THBS4: variants seen among roughly 807,000 people sequenced by gnomAD.
THBS4 encodes thrombospondin 4, also known as thrombospondin-4.
A neutral mutation model predicts 115.7 loss-of-function variants in THBS4; 90 were observed. The ratio of observed to expected loss-of-function variants is 0.78; its 90% CI spans 0.66 to 0.93. The LOEUF is 0.93. Ranked by LOEUF, THBS4 falls within the 40% of genes least tolerant of loss-of-function variation. THBS4 has a pLI of 0.00. For missense variants in THBS4, 1,087 were observed against 1,232.7 expected (o/e 0.88, Z 1.77); for synonymous variants, 460 against 479.3 (o/e 0.96, Z 0.53).
At chr5:80,069,727 C>T in intron 10 of THBS4, among the ~76,000 whole-genome samples, 1 of 152,296 alleles carries the variant, frequency 6.6e-6, no homozygotes, top group East Asian at 1.9e-4. Context: ...TTCCAAAGGC[C>T]CTGCTGGGGC....
At chr5:79,991,922 C>T (rs554488283) in intron 1 of THBS4, among the ~76,000 whole-genome samples, 17 of 152,336 alleles carry the variant, frequency 1.1e-4, no homozygotes, top group Admixed American at 9.8e-4. Context: ...CTCTCCCTAG[C>T]TACAGACCTT....
At chr5:80,007,486 T>C (rs907330480) in intron 2 of THBS4, among the ~76,000 whole-genome samples, 1 of 152,216 alleles carries the variant, frequency 6.6e-6, no homozygotes, top group Non-Finnish European at 1.5e-5. Flanking sequence ...GCTAGGTGGC[T>C]GGTGTTCGTG....
At chr5:80,056,690 T>C (rs1225143496) in intron 3 of THBS4, among the ~76,000 whole-genome samples, 1 of 151,902 alleles carries the variant, frequency 6.6e-6, no homozygotes, top group Non-Finnish European at 1.5e-5. Context: ...ACTAGTATTC[T>C]TTGTCCTTTC....
chr5:80,064,954 T>A (rs1327886965), intron 8 of THBS4, among the ~76,000 whole-genome samples: 1 of 150,716 alleles, frequency 6.6e-6, no homozygotes, highest in Admixed American at 6.6e-5. Context: ...AAACAAGAGG[T>A]TAGGAGTCAA....
intron 2 of THBS4, among the ~76,000 whole-genome samples, chr5:80,046,396 A>G (rs1833066386): frequency 6.6e-6 from 1 of 152,266 alleles, no homozygotes; most frequent in African/African-American, 2.4e-5. Context: ...CATGGAGAAC[A>G]GAAAGGTCCT....
chr5:80,058,869 T>C lies in THBS4; in HGVS notation c.732+79T>C, dbSNP rs574505106. The C allele has an allele frequency of 1.6e-4, 226 of 1,402,712 alleles. 1 individual carries two copies. In the Admixed American group the frequency reaches 4.5e-3, roughly 28 times the overall value. The allele number at this position is 1,402,712 out of a possible 1,614,324, so 86.9% of individuals were successfully genotyped here. ...CCACAAGCTAGTGGAGCTGCAGGCC[T>C]GCCCAGGCACGGGGGCAGCCTCTGA... On this transcript the variant is annotated intron_variant, in intron 5 of 21. Coordinates refer to ENST00000350881, the MANE Select transcript of THBS4 (RefSeq NM_003248.6).
At chr5:80,021,570 A>G (rs553247203) in intron 2 of THBS4, among the ~76,000 whole-genome samples, 19 of 151,992 alleles carry the variant, frequency 1.3e-4, no homozygotes, top group Non-Finnish European at 2.6e-4. Flanking sequence ...GTCGTGGTAC[A>G]GTCGTAGCTC....
At chr5:80,003,360 G>T (rs1177240181) in intron 2 of THBS4, among the ~76,000 whole-genome samples, 1 of 152,144 alleles carries the variant, frequency 6.6e-6, no homozygotes, top group Non-Finnish European at 1.5e-5. Flanking sequence ...GAGAAGAAGA[G>T]GAGAAGTAAG....
chr5:80,077,131 C>A, intron 16 of THBS4, 83 bp downstream of exon 16: 1 of 1,315,278 alleles, frequency 7.6e-7, no homozygotes. Context: ...TCTCCAGGCA[C>A]CAACTCAGAA....
intron 1 of THBS4, among the ~76,000 whole-genome samples, chr5:79,997,331 G>T (rs916751044): frequency 6.6e-5 from 10 of 151,820 alleles, no homozygotes; most frequent in African/African-American, 2.2e-4. Context: ...AACCTAAAAG[G>T]ATGGAAAAGT....
intron 2 of THBS4, among the ~76,000 whole-genome samples, chr5:80,003,799 C>T (rs896556221): frequency 1.3e-5 from 2 of 152,226 alleles, no homozygotes; most frequent in African/African-American, 4.8e-5. Context: ...TGCAAGTTGT[C>T]TGCATAGTTA....
Position 80,059,341 on chromosome 5 carries a change from A to G in THBS4, c.733-99A>G, listed in dbSNP as rs190667324. On this transcript the variant is annotated intron_variant, in intron 5 of 21. Coordinates refer to ENST00000350881, the MANE Select transcript of THBS4 (RefSeq NM_003248.6). ...TGAGACTGTCTCAAAAAAAAAAAAA[A>G]AAAAAGTGTTACATAGATAGCTCCA... 1,791 of 1,182,632 alleles carry G rather than the reference A, an allele frequency of 1.5e-3. 15 individuals carry two copies. The African/African-American group carries it at 0.025, about 17-fold the overall frequency. 73.3% of individuals were successfully genotyped at this position (1,182,632 alleles called of 1,614,324 possible). A position where few individuals can be genotyped will look rare whatever the true frequency, so the allele number is the denominator to read the frequency against.
chr5:80,065,536 T>C, intron 9 of THBS4, 59 bp downstream of exon 9: 1 of 1,508,490 alleles, frequency 6.6e-7, no homozygotes, highest in South Asian at 1.1e-5. Context: ...AACAAGTGTA[T>C]GTTTATAGAT....
At chr5:80,048,959 A>G (rs1422250730) in intron 2 of THBS4, among the ~76,000 whole-genome samples, 1 of 152,218 alleles carries the variant, frequency 6.6e-6, no homozygotes, top group Non-Finnish European at 1.5e-5. Flanking sequence ...GATGGCTTCC[A>G]TCATATGTTT....
At chr5:80,051,524 CT>C in intron 2 of THBS4, among the ~76,000 whole-genome samples, 1 of 152,098 alleles carries the variant, frequency 6.6e-6, no homozygotes, top group East Asian at 1.9e-4. Flanking sequence ...CCTGCGTTTT[CT>C]TTTGCTATTG....
intron 15 of THBS4, among the ~76,000 whole-genome samples, chr5:80,074,626 C>T (rs367844975): frequency 3.7e-4 from 53 of 142,522 alleles, no homozygotes; most frequent in African/African-American, 1.2e-3. Context: ...CTCTCTCTCT[C>T]TTTTTTTTTT....
At chr5:80,011,913 CAGTAAT>C in intron 2 of THBS4, among the ~76,000 whole-genome samples, 1 of 151,894 alleles carries the variant, frequency 6.6e-6, no homozygotes, top group Non-Finnish European at 1.5e-5. Context: ...GAAACCCAAA[CAGTAAT>C]TGTATTGACC....
intron 15 of THBS4, among the ~76,000 whole-genome samples, chr5:80,074,767 C>G (rs548772402): frequency 6.6e-6 from 1 of 152,154 alleles, no homozygotes; most frequent in South Asian, 2.1e-4. Context: ...GTGTGTGCCA[C>G]CATGCTGGCT....
At chr5:80,082,738 G>A (rs1483275710) in intron 21 of THBS4, among the ~76,000 whole-genome samples, 193 bp downstream of exon 21, 1 of 152,218 alleles carries the variant, frequency 6.6e-6, no homozygotes. Flanking sequence ...TGGAAATTAA[G>A]ACCCATAGAA....
Sources: allele counts gnomAD v4.1 joint callset (sites outside exome capture counted in the v4.1 genomes callset), GRCh38; gene constraint gnomAD v4.1.1; transcripts MANE v1.5; gene names NCBI Gene and HGNC (gene_info 2026-07-23, HGNC 2026-07-21).